Variants in LEF1 observed in about 807,000 individuals in gnomAD.
LEF1 encodes lymphoid enhancer-binding factor 1.
Under a neutral mutation model 51.2 loss-of-function variants are expected in LEF1, and 14 were observed. That is an observed-to-expected ratio of 0.27 (90% confidence interval 0.18 to 0.43). The LOEUF is 0.43. LEF1 is among the 20% of genes least tolerant of loss of function. The pLI, the probability that LEF1 is intolerant of heterozygous loss-of-function variation, is 1.00. For missense variants in LEF1, 386 were observed against 512.0 expected (o/e 0.75, Z 2.37); for synonymous variants, 185 against 183.2 (o/e 1.01, Z -0.08).
intron 3 of LEF1, among the ~76,000 whole-genome samples, chr4:108,090,854 C>T (rs1739973905): frequency 6.6e-6 from 1 of 152,114 alleles, no homozygotes; most frequent in Admixed American, 6.6e-5. Context: ...TTTAAAGAGA[C>T]TCAATAAACC....
At chr4:108,141,065 G>A (rs189428942) in intron 3 of LEF1, among the ~76,000 whole-genome samples, 27 of 152,326 alleles carry the variant, frequency 1.8e-4, no homozygotes, top group African/African-American at 6.3e-4. Flanking sequence ...AAAGTTAGTT[G>A]TGTTTTCAGA....
chr4:108,076,707 C>T (rs529630482), intron 8 of LEF1, among the ~76,000 whole-genome samples: 5 of 152,208 alleles, frequency 3.3e-5, no homozygotes, highest in Admixed American at 6.5e-5. Flanking sequence ...GCAATTATTA[C>T]CTAATCTCCA....
chr4:108,091,893 C>T (rs891997997), intron 3 of LEF1, among the ~76,000 whole-genome samples: 1 of 152,100 alleles, frequency 6.6e-6, no homozygotes, highest in African/African-American at 2.4e-5. Context: ...AGAATAATGG[C>T]TTTCAGTTTC....
Position 108,108,186 on chromosome 4 carries a change from T to C in LEF1, c.415-18929A>G, listed in dbSNP as rs530241874. Among the ~76,000 whole-genome samples the C allele has an allele frequency of 1.1e-4, 17 of 152,344 alleles. No individual in the cohort carries two copies. In the South Asian group the frequency reaches 3.3e-3, roughly 30 times the overall value. On this transcript the variant is annotated intron_variant, in intron 3 of 11. Coordinates refer to ENST00000265165, the MANE Select transcript of LEF1 (RefSeq NM_016269.5). ...CCTTGATACACAGCTTTTAACAGTG[T>C]GCTTCGACTTTGAGGTTTCCTTTCC...
In LEF1 at chr4:108,104,398, TCCAAGTGAAATTTTA is replaced by T. The variant is rs1207065569; in HGVS notation, c.415-15156_415-15142del. Among the ~76,000 whole-genome samples, 4 of 149,178 alleles carry T rather than the reference TCCAAGTGAAATTTTA, an allele frequency of 2.7e-5. No homozygotes were observed. The East Asian group carries it at 5.9e-4, about 22-fold the overall frequency. On this transcript the variant is annotated intron_variant, in intron 3 of 11. Coordinates refer to ENST00000265165, the MANE Select transcript of LEF1 (RefSeq NM_016269.5). ...AATTTTACTTTATACAGAAGGCAAATCCAAGTGAAATTTTACCAAGTGAAATTTATATATATATAA... is the reference window on the plus strand; with the variant it reads ...AATTTTACTTTATACAGAAGGCAAATCCAAGTGAAATTTATATATATATAA...
intron 3 of LEF1, among the ~76,000 whole-genome samples, chr4:108,155,057 C>T (rs894890677): frequency 1.3e-5 from 2 of 152,016 alleles, no homozygotes; most frequent in Non-Finnish European, 2.9e-5. Flanking sequence ...AAATAACTTG[C>T]CCATTGTCCT....
At chr4:108,122,447 G>A (rs1412652941) in intron 3 of LEF1, among the ~76,000 whole-genome samples, 1 of 151,666 alleles carries the variant, frequency 6.6e-6, no homozygotes, top group Non-Finnish European at 1.5e-5. Flanking sequence ...CATTAATTTA[G>A]TCAGGTCTAA....
intron 3 of LEF1, among the ~76,000 whole-genome samples, chr4:108,118,108 C>T (rs1332801427): frequency 1.3e-5 from 2 of 152,172 alleles, no homozygotes; most frequent in African/African-American, 4.8e-5. Flanking sequence ...TAAGATCCCA[C>T]AGCTAACAAG....
intron 3 of LEF1, among the ~76,000 whole-genome samples, chr4:108,107,121 A>G (rs1741218511): frequency 1.3e-5 from 2 of 152,158 alleles, no homozygotes; most frequent in East Asian, 3.8e-4. Flanking sequence ...CCTTTAAACA[A>G]TCCACTCTCT....
rs376666593 is a variant in LEF1, at chr4:108,048,709, G to A, written c.*49C>T. On this transcript the variant is annotated 3_prime_UTR_variant, in exon 12 of 12. Transcript: ENST00000265165. The stretch of plus-strand genomic sequence containing the variant: ...CATCTCCAGAAGAGGTCCTGGGGTC[G>A]CTGCCTTGGCTTTGCACGTTGGGAA... 14 of 1,608,460 alleles carry A rather than the reference G, an allele frequency of 8.7e-6. No homozygotes were observed. Among genetic ancestry groups the A allele is most frequent in the Admixed American group, 1.7e-5 (1 of 59,520 alleles).
chr4:108,086,019 A>T lies in LEF1; in HGVS notation c.548-2573T>A, dbSNP rs977005113. Among the ~76,000 whole-genome samples, 8 of 152,360 alleles carry T rather than the reference A, an allele frequency of 5.3e-5. No individual in the cohort carries two copies. The South Asian group carries it at 1.4e-3, about 28-fold the overall frequency. The stretch of plus-strand genomic sequence containing the variant: ...CAAACAAGTGAAGTCAGAAGTGTTA[A>T]AACAGACCCATTCCATATGCTGGGT... On this transcript the variant is annotated intron_variant, in intron 4 of 11. Transcript: ENST00000265165.
intron 6 of LEF1, among the ~76,000 whole-genome samples, 167 bp downstream of exon 6, chr4:108,081,419 G>A (rs1030076981): frequency 5.9e-5 from 9 of 151,936 alleles, no homozygotes; most frequent in East Asian, 1.9e-4. Context: ...GCTCCTACCC[G>A]GGACTCTCTC....
intron 7 of LEF1, 25 bp from the exon 8 acceptor site, chr4:108,078,407 TA>T: frequency 6.2e-7 from 1 of 1,613,784 alleles, no homozygotes; most frequent in African/African-American, 1.3e-5. Context: ...TGGTGGTGGT[TA>T]GGGGAAGGGG....
chr4:108,166,892 C>T (rs1294901441), intron 1 of LEF1: 1 of 833,388 alleles, frequency 1.2e-6, no homozygotes, highest in Non-Finnish European at 1.4e-6. Flanking sequence ...CGGCTCGGCG[C>T]ACCCACAGCT....
chr4:108,060,749 G>GT lies in LEF1; in HGVS notation c.*6+2873dup, dbSNP rs577574088. ...TTATAGTACTTATATTTTCCTGTTT[G>GT]TTTTTTTTAATCAACTACCCTCACA... On this transcript the variant is annotated intron_variant, in intron 11 of 11. Coordinates refer to ENST00000265165, the MANE Select transcript of LEF1 (RefSeq NM_016269.5). Among the ~76,000 whole-genome samples, 22 of 151,492 alleles carry GT rather than the reference G, an allele frequency of 1.5e-4. No individual in the cohort carries two copies. The South Asian group carries it at 3.8e-3, about 26-fold the overall frequency.
intron 3 of LEF1, among the ~76,000 whole-genome samples, chr4:108,124,658 G>A (rs922521160): frequency 3.3e-5 from 5 of 152,146 alleles, no homozygotes; most frequent in South Asian, 2.1e-4. Flanking sequence ...ATGAGTCACC[G>A]CGCCCGGAAC....
intron 11 of LEF1, among the ~76,000 whole-genome samples, chr4:108,063,227 T>G (rs559525740): frequency 1.3e-5 from 2 of 152,186 alleles, no homozygotes; most frequent in African/African-American, 4.8e-5. Flanking sequence ...GCTTGGGAGT[T>G]CTGGGCTAAA....
At chr4:108,053,278 A>G (rs1419121183) in intron 11 of LEF1, among the ~76,000 whole-genome samples, 1 of 152,262 alleles carries the variant, frequency 6.6e-6, no homozygotes, top group Admixed American at 6.5e-5. Context: ...AGCCAGCTTC[A>G]GCTCCTTGAC....
At chr4:108,068,251 G>A (rs951236959) in intron 9 of LEF1, among the ~76,000 whole-genome samples, 2 of 152,008 alleles carry the variant, frequency 1.3e-5, no homozygotes, top group South Asian at 4.1e-4. Flanking sequence ...TGGGCAACAA[G>A]AGCGAATCTC....
Sources: gnomAD v4.1 joint callset for allele counts (sites outside exome capture counted in the v4.1 genomes callset) on GRCh38, gnomAD v4.1.1 for gene constraint, MANE v1.5 for transcripts, NCBI Gene and HGNC (gene_info 2026-07-23, HGNC 2026-07-21) for gene names.